The following HAO2 variants were observed in gnomAD, a reference collection of about 807,000 sequenced individuals.
HAO2 encodes 2-Hydroxyacid oxidase 2.
A neutral mutation model predicts 37.4 loss-of-function variants in HAO2; 42 were observed. The observed-to-expected ratio is 1.12, with a 90% CI of 0.88 to 1.45. The LOEUF is 1.45. HAO2 is among the 40% of genes most tolerant of loss of function. The pLI is 0.00. For missense variants in HAO2, 476 were observed against 430.2 expected (o/e 1.11, Z -0.94); for synonymous variants, 180 against 162.8 (o/e 1.11, Z -0.81).
At chr1:119,384,735 G>A (rs749369031) in intron 3 of HAO2, 41 bp from the exon 4 acceptor site, 3 of 1,589,616 alleles carry the variant, frequency 1.9e-6, no homozygotes, top group Non-Finnish European at 2.6e-6. Context: ...CAGTCCAGAG[G>A]CCTCTGCCCT....
At chr1:119,391,701 A>T (rs1196135692) in intron 5 of HAO2, among the ~76,000 whole-genome samples, 1 of 152,200 alleles carries the variant, frequency 6.6e-6, no homozygotes, top group African/African-American at 2.4e-5. Flanking sequence ...AAAAAGACTT[A>T]GTGCCTTTGC....
intron 4 of HAO2, 122 bp from the exon 5 acceptor site, chr1:119,386,500 C>T (rs1229405689): frequency 1.5e-6 from 1 of 674,342 alleles, no homozygotes; most frequent in Admixed American, 2.2e-5. Context: ...GCCACCATGC[C>T]CAGCCCTGTT....
intron 1 of HAO2, among the ~76,000 whole-genome samples, chr1:119,375,850 A>T (rs1649410379): frequency 6.6e-6 from 1 of 152,160 alleles, no homozygotes; most frequent in Non-Finnish European, 1.5e-5. Context: ...TATCATGAGA[A>T]CAGCATGGTG....
intron 1 of HAO2, among the ~76,000 whole-genome samples, chr1:119,373,639 A>T (rs1320007469): frequency 6.6e-6 from 1 of 152,144 alleles, no homozygotes; most frequent in Admixed American, 6.5e-5. Flanking sequence ...CACCACGGCA[A>T]ATCTCAAAAA....
At chr1:119,387,514 T>C (rs1650484244) in intron 5 of HAO2, among the ~76,000 whole-genome samples, 1 of 152,206 alleles carries the variant, frequency 6.6e-6, no homozygotes, top group Admixed American at 6.5e-5. Context: ...GCAGATAAAT[T>C]AGAAAACATA....
chr1:119,384,976 T>C lies in HAO2; in HGVS notation c.484T>C (p.Cys162Arg). 5 of 1,613,628 alleles carry C rather than the reference T, an allele frequency of 3.1e-6. No individual in the cohort carries two copies. Among genetic ancestry groups the C allele is most frequent in the Non-Finnish European group, 4.2e-6 (5 of 1,179,556 alleles). ...ALVITLDTPV[C>R]GNRRHDIRNQ... ...GGTAATAACTTTGGATACACCTGTATGTGGCAACAGGCGACATGACATTCG... is the reference window on the plus strand; with the variant it reads ...GGTAATAACTTTGGATACACCTGTACGTGGCAACAGGCGACATGACATTCG... The change falls in exon 4 of 8, where the codon TGT (cysteine) becomes CGT (arginine). Residue 162 changes from cysteine (C) to arginine (R), a missense_variant. Transcript: ENST00000325945.
intron 1 of HAO2, among the ~76,000 whole-genome samples, chr1:119,377,276 G>T (rs1228909082): frequency 1.3e-5 from 2 of 152,104 alleles, no homozygotes; most frequent in African/African-American, 4.8e-5. Flanking sequence ...TAAGGGAGGG[G>T]CAAAATACTG....
Position 119,384,724 on chromosome 1 carries a change from C to T in HAO2, c.284-52C>T, listed in dbSNP as rs960543454. ...TACACAGACTCCCAAGGTTTTCAGC[C>T]CAGTCCAGAGGCCTCTGCCCTCCAG... On this transcript the variant is annotated intron_variant, in intron 3 of 7. Coordinates refer to ENST00000325945, the MANE Select transcript of HAO2 (RefSeq NM_016527.4). 3.9e-6 allele frequency: 6 copies of T among 1,533,670 alleles called. No homozygotes were observed. The African/African-American group carries it at 5.5e-5, about 14-fold the overall frequency.
At chr1:119,392,345 C>A in intron 6 of HAO2, 77 bp downstream of exon 6, 1 of 1,243,426 alleles carries the variant, frequency 8.0e-7, no homozygotes. Flanking sequence ...GGTTCATTTT[C>A]CAAGCTTAGA....
At chr1:119,374,846 T>C (rs1649320098) in intron 1 of HAO2, among the ~76,000 whole-genome samples, 1 of 152,244 alleles carries the variant, frequency 6.6e-6, no homozygotes, top group Non-Finnish European at 1.5e-5. Flanking sequence ...ACGTCTTCCT[T>C]GAAAAGCCTG....
At chr1:119,377,441 C>CA (rs1225500882) in intron 1 of HAO2, among the ~76,000 whole-genome samples, 1 of 152,194 alleles carries the variant, frequency 6.6e-6, no homozygotes, top group African/African-American at 2.4e-5. Flanking sequence ...TAGGAAGTTC[C>CA]AAACTTTCCC....
intron 5 of HAO2, among the ~76,000 whole-genome samples, chr1:119,391,405 C>T (rs191149184): frequency 2.6e-5 from 4 of 152,260 alleles, no homozygotes; most frequent in African/African-American, 7.2e-5. Flanking sequence ...CTTGTGTGCT[C>T]AAGGCCTATT....
intron 3 of HAO2, 150 bp downstream of exon 3, chr1:119,383,216 G>A (rs587776312): frequency 6.9e-5 from 40 of 579,380 alleles, no homozygotes; most frequent in Admixed American, 1.8e-4. Context: ...TTAAAGCTAC[G>A]TTTGTGTAAC....
rs1570796061 is a variant in HAO2 at position 119,390,640 on chromosome 1, A to G, written c.772-1470A>G. ...TGCAGTGGAGTTGATAATAATTGTGAAATAAAATAGGGAGTGAATTTTACC... is the reference window on the plus strand; with the variant it reads ...TGCAGTGGAGTTGATAATAATTGTGGAATAAAATAGGGAGTGAATTTTACC... On this transcript the variant is annotated intron_variant, in intron 5 of 7. Coordinates refer to ENST00000325945, the MANE Select transcript of HAO2 (RefSeq NM_016527.4). Among the ~76,000 whole-genome samples the G allele has an allele frequency of 2.0e-5, 3 of 152,240 alleles. No individual in the cohort carries two copies. The South Asian group carries it at 6.2e-4, about 31-fold the overall frequency.
Position 119,386,824 on chromosome 1 carries a change from T to C in HAO2, c.764T>C (p.Leu255Pro), listed in dbSNP as rs2101248541. ...GGTGGGAGGCAGCTTGATGAGGTTCTTGCTTCAGTAAGTAGGATTACTTCA... is the reference window on the plus strand; with the variant it reads ...GGTGGGAGGCAGCTTGATGAGGTTCCTGCTTCAGTAAGTAGGATTACTTCA... The part of the protein sequence containing the change: ...NHGGRQLDEV[L>P]ASIDALTEVV... The change falls in exon 5 of 8, where the codon CTT (leucine) becomes CCT (proline). Residue 255 changes from leucine to proline, a missense_variant. Transcript: ENST00000325945. The C allele has an allele frequency of 6.2e-7, 1 of 1,603,842 alleles. No homozygotes were observed. The highest frequency in any genetic ancestry group is 1.1e-5 in the South Asian group (1 of 90,858).
intron 5 of HAO2, among the ~76,000 whole-genome samples, chr1:119,389,498 T>C (rs766156634): frequency 1.3e-5 from 2 of 151,974 alleles, no homozygotes; most frequent in Non-Finnish European, 2.9e-5. Context: ...AGTAAGGAAG[T>C]ATTGCATTGT....
At chr1:119,391,984 A>G in intron 5 of HAO2, 126 bp from the exon 6 acceptor site, 1 of 770,876 alleles carries the variant, frequency 1.3e-6, no homozygotes, top group Non-Finnish European at 2.1e-6. Context: ...AGCAGCCTCA[A>G]GCATGGGAGG....
chr1:119,380,809 TGGA>T lies in HAO2; in HGVS notation c.-8-264_-8-262del, dbSNP rs376086533. 2.0e-3 allele frequency: 1,717 copies of T among 858,308 alleles called. 14 individuals carry two copies. Among genetic ancestry groups the T allele is most frequent in the South Asian group, 9.6e-3 (645 of 66,986 alleles). The allele number at this position is 858,308 out of a possible 1,614,324, so 53.2% of individuals were successfully genotyped here. ...TAGGTCTAAGGTGGTGTGTGTACAG[TGGA>T]GGAGAAGATATAAGAAATACTCAGA... On this transcript the variant is annotated intron_variant, in intron 1 of 7. Coordinates refer to ENST00000325945, the MANE Select transcript of HAO2 (RefSeq NM_016527.4).
chr1:119,378,058 T>A (rs1244762153), intron 1 of HAO2, among the ~76,000 whole-genome samples: 3 of 150,646 alleles, frequency 2.0e-5, no homozygotes. Context: ...AAGAAAAAAA[T>A]GCATAATTGT....
Sources: gnomAD v4.1 joint callset for allele counts (sites outside exome capture counted in the v4.1 genomes callset) on GRCh38, gnomAD v4.1.1 for gene constraint, MANE v1.5 for transcripts, NCBI Gene and HGNC (gene_info 2026-07-23, HGNC 2026-07-21) for gene names.